Variants in INSC observed in about 807,000 individuals in gnomAD.
The protein encoded by INSC is INSC spindle orientation adaptor protein, also known as protein inscuteable homolog.
A neutral mutation model predicts 58.6 loss-of-function variants in INSC; 67 were observed. That is an observed-to-expected ratio of 1.14 (90% CI 0.94 to 1.40). The LOEUF (loss-of-function observed/expected upper bound fraction) is 1.40, where lower values mean the gene tolerates loss of function less well. INSC is among the 40% of genes most tolerant of loss of function. The pLI is 0.00. For missense variants in INSC, 714 were observed against 692.0 expected (o/e 1.03, Z -0.36); for synonymous variants, 262 against 276.1 (o/e 0.95, Z 0.51).
chr11:15,193,715 A>G lies in INSC; in HGVS notation c.693+2901A>G, dbSNP rs187985969. ...ACTGATGGACATTTGGGTTGGTTCCAAGTCTTTGCTATTGTGAATAGTGCC... is the reference window on the plus strand; with the variant it reads ...ACTGATGGACATTTGGGTTGGTTCCGAGTCTTTGCTATTGTGAATAGTGCC... On this transcript the variant is annotated intron_variant, in intron 6 of 12. Transcript: ENST00000379556. 3.0e-3 allele frequency among the ~76,000 whole-genome samples: 462 copies of G among 152,308 alleles called. 7 individuals are homozygous for G. The highest frequency in any genetic ancestry group is 0.011 in the African/African-American group (441 of 41,560).
chr11:15,163,093 A>G (rs914131846), intron 2 of INSC, among the ~76,000 whole-genome samples: 34 of 152,356 alleles, frequency 2.2e-4, no homozygotes, highest in African/African-American at 7.5e-4. Context: ...CTCTGTCATC[A>G]GAGCTGAGAA....
At chr11:15,238,460 T>C (rs1010208448) in intron 10 of INSC, among the ~76,000 whole-genome samples, 1 of 152,144 alleles carries the variant, frequency 6.6e-6, no homozygotes, top group African/African-American at 2.4e-5. Context: ...GTTTCTTTCG[T>C]TTTCTTAATC....
chr11:15,129,568 GT>G (rs1848077236), intron 1 of INSC, among the ~76,000 whole-genome samples: 1 of 152,050 alleles, frequency 6.6e-6, no homozygotes, highest in South Asian at 2.1e-4. Flanking sequence ...ATTTAATAAT[GT>G]TTTACAGTTT....
rs1554907670 is a variant in INSC, at chr11:15,158,860, G to GTA, written c.56+9631_56+9632insAT. 2.3e-4 allele frequency among the ~76,000 whole-genome samples: 25 copies of GTA among 109,672 alleles called. 1 individual carries two copies. Among genetic ancestry groups the GTA allele is most frequent in the African/African-American group, 1.8e-4 (5 of 28,286 alleles). 71.9% of individuals were successfully genotyped at this position (109,672 alleles called of 152,430 possible). A position where few individuals can be genotyped will look rare whatever the true frequency, so the allele number is the denominator to read the frequency against. ...ATTATAACCAGATGAATTGTTGGTG[G>GTA]TTTTTTTTTTTTTTTTTTTTTGCCT... On this transcript the variant is annotated intron_variant, in intron 2 of 12. Transcript: ENST00000379556.
chr11:15,184,004 C>G (rs1029406475), intron 5 of INSC, among the ~76,000 whole-genome samples: 2 of 152,020 alleles, frequency 1.3e-5, no homozygotes, highest in Non-Finnish European at 2.9e-5. Context: ...TCTTTAAATA[C>G]ATAGAAAAAT....
At chr11:15,218,760 AC>A (rs959687230) in intron 7 of INSC, among the ~76,000 whole-genome samples, 7 of 152,182 alleles carry the variant, frequency 4.6e-5, no homozygotes, top group African/African-American at 1.7e-4. Context: ...GGATGGGGTC[AC>A]TTTCCTGGGG....
intron 10 of INSC, among the ~76,000 whole-genome samples, chr11:15,238,067 G>C (rs1295295159): frequency 6.6e-6 from 1 of 152,136 alleles, no homozygotes; most frequent in Non-Finnish European, 1.5e-5. Context: ...TCACACAGAA[G>C]ATGAACTTTT....
intron 1 of INSC, among the ~76,000 whole-genome samples, chr11:15,143,111 CG>C (rs1342751613): frequency 6.6e-6 from 1 of 152,100 alleles, no homozygotes; most frequent in Non-Finnish European, 1.5e-5. Flanking sequence ...ATGTCAGGCA[CG>C]GGGGGTATGG....
At chr11:15,112,319 C>G, upstream of INSC, 1 of 546,892 alleles carries the variant, frequency 1.8e-6, no homozygotes, top group South Asian at 3.1e-5. Flanking sequence ...CTCCCTTGGG[C>G]AGCCTCAGTA....
At chr11:15,192,649 G>T (rs898170698) in intron 6 of INSC, among the ~76,000 whole-genome samples, 4 of 152,210 alleles carry the variant, frequency 2.6e-5, no homozygotes, top group African/African-American at 9.6e-5. Flanking sequence ...GGAGGGAACT[G>T]AAGTTCATCC....
In INSC at chr11:15,183,282, C is replaced by T. The variant is rs151017241; in HGVS notation, c.579+4835C>T. Reference sequence around the variant, plus strand: ...AGGAGAATTGGTTGAACTCAGGAGGCGGAGGTTGCCATGAGCCGAGATCTT... The same window carrying T: ...AGGAGAATTGGTTGAACTCAGGAGGTGGAGGTTGCCATGAGCCGAGATCTT... On this transcript the variant is annotated intron_variant, in intron 5 of 12. Transcript: ENST00000379556. Among the ~76,000 whole-genome samples the T allele has an allele frequency of 9.9e-3, 1,403 of 141,720 alleles. 15 individuals are homozygous for T. Among genetic ancestry groups the T allele is most frequent in the African/African-American group, 0.036 (1,340 of 37,644 alleles). 93.0% of individuals were successfully genotyped at this position (141,720 alleles called of 152,430 possible). A position where few individuals can be genotyped will look rare whatever the true frequency, so the allele number is the denominator to read the frequency against.
chr11:15,239,201 G>A (rs913006020), intron 11 of INSC, 127 bp downstream of exon 11: 3 of 1,188,498 alleles, frequency 2.5e-6, no homozygotes, highest in South Asian at 1.6e-5. Context: ...TGTCTCTGGG[G>A]GCTCAGGGGT....
upstream of INSC, among the ~76,000 whole-genome samples, chr11:15,113,927 A>G (rs1271784673): frequency 2.0e-5 from 3 of 152,136 alleles, no homozygotes; most frequent in Non-Finnish European, 2.9e-5. Flanking sequence ...CTCCCTGAAT[A>G]CATATTGTGA....
Position 15,116,462 on chromosome 11 carries a change from C to CT in INSC, c.-46+1466dup, listed in dbSNP as rs201906452. 8.5e-3 allele frequency among the ~76,000 whole-genome samples: 1,301 copies of CT among 152,266 alleles called. 17 individuals carry two copies. The highest frequency in any genetic ancestry group is 0.03 in the African/African-American group (1,243 of 41,534). On this transcript the variant is annotated intron_variant, in intron 1 of 12. Transcript: ENST00000379556. ...TCCTTTCCTTTCTTCCAGTGGTTAT[C>CT]TTTTTTTCTGGACAGAATCTTCTCC... is the stretch of plus-strand genomic sequence containing the variant.
intron 2 of INSC, 147 bp downstream of exon 2, chr11:15,149,377 T>C (rs1374735533): frequency 9.4e-6 from 7 of 741,772 alleles, no homozygotes; most frequent in Non-Finnish European, 1.4e-5. Context: ...ATTGGGGATG[T>C]CATGTTCACT....
At chr11:15,166,744 C>T (rs999171071) in intron 2 of INSC, among the ~76,000 whole-genome samples, 4 of 152,178 alleles carry the variant, frequency 2.6e-5, no homozygotes, top group African/African-American at 4.8e-5. Context: ...TCAGGCCTTG[C>T]GCTGAGATGA....
intron 1 of INSC, among the ~76,000 whole-genome samples, chr11:15,142,241 A>T (rs1284452423): frequency 6.6e-6 from 1 of 152,064 alleles, no homozygotes; most frequent in African/African-American, 2.4e-5. Context: ...AGTCTTCTGT[A>T]TTTCCCTAGC....
rs377681745 is a variant in INSC, at chr11:15,235,713, G to A, written c.1237+45G>A. The A allele has an allele frequency of 4.3e-4, 633 of 1,485,274 alleles. 5 individuals are homozygous for A. The highest frequency in any genetic ancestry group is 4.2e-4 in the Admixed American group (25 of 59,870). The allele number at this position is 1,485,274 out of a possible 1,614,324, so 92.0% of individuals were successfully genotyped here. A position where few individuals can be genotyped will look rare whatever the true frequency, so the allele number is the denominator to read the frequency against. On this transcript the variant is annotated intron_variant, in intron 10 of 12. Transcript: ENST00000379556. ...TACATGTTATGTGGATTATCTGGATGTAGGGGACTGTGTCTTTGTGCTTGT... is the reference window on the plus strand; with the variant it reads ...TACATGTTATGTGGATTATCTGGATATAGGGGACTGTGTCTTTGTGCTTGT...
In INSC at chr11:15,247,026, G is replaced by GT. The variant is rs1224753952; in HGVS notation, c.*986_*987insT. On this transcript the variant is annotated 3_prime_UTR_variant, in exon 13 of 13. Coordinates refer to ENST00000379556, the MANE Select transcript of INSC (RefSeq NM_001042536.3). ...ACAGATGCTATAAAGCACAGCTTTC[G>GT]CTTTTTTTTTTTTTAGAGAGAGCTG... is the stretch of plus-strand genomic sequence containing the variant. 4 of 142,794 alleles carry GT rather than the reference G, an allele frequency of 2.8e-5. No homozygotes were observed. Among genetic ancestry groups the GT allele is most frequent in the Non-Finnish European group, 6.0e-5 (4 of 66,818 alleles). 8.8% of individuals were successfully genotyped at this position (142,794 alleles called of 1,614,324 possible). A position where few individuals can be genotyped will look rare whatever the true frequency, so the allele number is the denominator to read the frequency against.
Sources: gnomAD v4.1 joint callset for allele counts (sites outside exome capture counted in the v4.1 genomes callset) on GRCh38, gnomAD v4.1.1 for gene constraint, MANE v1.5 for transcripts, NCBI Gene and HGNC (gene_info 2026-07-23, HGNC 2026-07-21) for gene names.